Variants in GAREM1 observed in about 807,000 individuals in gnomAD.
GAREM1 encodes the protein GRB2 associated regulator of MAPK1 subtype 1, also known as GRB2-associated and regulator of MAPK protein 1.
A neutral mutation model predicts 71.3 loss-of-function variants in GAREM1; 26 were observed. That is an observed-to-expected ratio of 0.36 (90% CI 0.27 to 0.51). The LOEUF (loss-of-function observed/expected upper bound fraction) is 0.51. Among genes scored for constraint, GAREM1 ranks in the 20% least tolerant of loss-of-function variants. The pLI is 0.95. For missense variants in GAREM1, 1,026 were observed against 1,103.1 expected, an observed-to-expected ratio of 0.93 and a Z score of 0.99; for synonymous variants, 440 against 433.2, an observed-to-expected ratio of 1.02 and a Z score of -0.20.
At chr18:32,426,339 C>T (rs2144249208) in intron 1 of GAREM1, among the ~76,000 whole-genome samples, 1 of 152,232 alleles carries the variant, frequency 6.6e-6, no homozygotes, top group Non-Finnish European at 1.5e-5. Flanking sequence ...ATTCTAGAGT[C>T]TGAAAGAGAA....
intron 1 of GAREM1, among the ~76,000 whole-genome samples, chr18:32,426,750 G>A (rs1425463543): frequency 2.6e-5 from 4 of 152,072 alleles, no homozygotes; most frequent in African/African-American, 9.7e-5. Flanking sequence ...TATCAAACTT[G>A]CAAATATAAG....
At position 32,270,317 on chromosome 18, in the gene GAREM1, T is replaced by C. The variant is rs917350682; in HGVS notation, c.1633A>G (p.Thr545Ala). 1 of 1,613,946 alleles carries C rather than the reference T, an allele frequency of 6.2e-7. No homozygotes were observed. Among genetic ancestry groups the C allele is most frequent in the African/African-American group, 1.3e-5 (1 of 74,998 alleles). The change falls in exon 5 of 6, where the codon ACC (threonine) becomes GCC (alanine). Residue 545 changes from threonine to alanine, a missense_variant. Thr to Ala is a moderately conservative substitution (Grantham distance 58). Around this residue, in one of 3 missense-constraint regions of GAREM1, gnomAD observed 636 missense variants for 631.2 expected, o/e 1.01. Coordinates refer to ENST00000269209, the MANE Select transcript of GAREM1 (RefSeq NM_001242409.2). ...GTGCGAGGAGGGATGGAGGGACTGG[T>C]GGACAAAGGCTTTGCGCTTCGGGGT... ...VPPRSAKPLSTSPSIPPRTVK... is the reference protein window; with the variant it reads ...VPPRSAKPLSASPSIPPRTVK...
intron 1 of GAREM1, among the ~76,000 whole-genome samples, chr18:32,453,421 A>T (rs1386825097): frequency 1.3e-5 from 2 of 152,170 alleles, no homozygotes; most frequent in Non-Finnish European, 2.9e-5. Flanking sequence ...ACAGCTCTAG[A>T]GGCTGAAAGT....
At chr18:32,312,767 G>C (rs143497469) in intron 2 of GAREM1, among the ~76,000 whole-genome samples, 13 of 152,288 alleles carry the variant, frequency 8.5e-5, no homozygotes, top group Non-Finnish European at 1.6e-4. Context: ...GAAATGATTG[G>C]AACCCAATTG....
At chr18:32,389,613 A>G (rs1165836304) in intron 2 of GAREM1, among the ~76,000 whole-genome samples, 2 of 152,204 alleles carry the variant, frequency 1.3e-5, no homozygotes, top group Non-Finnish European at 2.9e-5. Context: ...CCCTAAAAAA[A>G]AGTAAGATTC....
At chr18:32,311,050 A>T (rs2047316318) in intron 2 of GAREM1, among the ~76,000 whole-genome samples, 1 of 152,182 alleles carries the variant, frequency 6.6e-6, no homozygotes, top group Admixed American at 6.5e-5. Context: ...AGGCCATATC[A>T]TGGTCTCCAC....
chr18:32,305,590 G>T (rs2047245920), intron 3 of GAREM1, among the ~76,000 whole-genome samples: 1 of 152,178 alleles, frequency 6.6e-6, no homozygotes, highest in Non-Finnish European at 1.5e-5. Flanking sequence ...CGCGATCTTG[G>T]CTCACTGGAA....
chr18:32,378,527 T>C (rs1282624579), intron 2 of GAREM1, among the ~76,000 whole-genome samples: 4 of 148,528 alleles, frequency 2.7e-5, no homozygotes, highest in African/African-American at 9.9e-5. Context: ...AAAAAGCAAC[T>C]GCTCTTTCCC....
intron 2 of GAREM1, among the ~76,000 whole-genome samples, chr18:32,387,587 T>C (rs2048160789): frequency 6.6e-6 from 1 of 152,204 alleles, no homozygotes; most frequent in Admixed American, 6.5e-5. Context: ...ATTAGCAAAA[T>C]ACGTGATGTT....
At chr18:32,278,760 C>T (rs2041575579) in intron 4 of GAREM1, among the ~76,000 whole-genome samples, 3 of 151,572 alleles carry the variant, frequency 2.0e-5, no homozygotes, top group African/African-American at 4.9e-5. Context: ...TTCAGTCAAA[C>T]AGAAATTAAA....
In GAREM1 at chr18:32,470,241, A is replaced by G. The variant is rs910526430; in HGVS notation, c.121+67T>C. On this transcript the variant is annotated intron_variant, in intron 1 of 5. Coordinates refer to ENST00000269209, the MANE Select transcript of GAREM1 (RefSeq NM_001242409.2). The surrounding 1 kb of genome is among the most constrained non-coding windows in gnomAD (Gnocchi z 4.4). ...CCGCGGGTCCCACCCTCTCCAGCAC[A>G]CGCGCGCACACCCGCGTGGAGACGG... The G allele has an allele frequency of 2.9e-6, 4 of 1,369,514 alleles. No homozygotes were observed. The highest frequency in any genetic ancestry group is 2.9e-6 in the Non-Finnish European group (3 of 1,050,516). 84.8% of individuals were successfully genotyped at this position (1,369,514 alleles called of 1,614,324 possible).
At chr18:32,282,803 A>G (rs1263059976) in intron 4 of GAREM1, among the ~76,000 whole-genome samples, 1 of 152,220 alleles carries the variant, frequency 6.6e-6, no homozygotes, top group Non-Finnish European at 1.5e-5. Context: ...TGTGCAATAT[A>G]AAGTCTTCCC....
chr18:32,372,109 G>C (rs2047985591), intron 2 of GAREM1, among the ~76,000 whole-genome samples: 1 of 152,144 alleles, frequency 6.6e-6, no homozygotes, highest in African/African-American at 2.4e-5. Flanking sequence ...TAAATTAATT[G>C]AAATTTCACT....
At chr18:32,364,028 G>GTTTTTTTTTTTTTTTTTTTTTTTT in intron 2 of GAREM1, among the ~76,000 whole-genome samples, 1 of 21,668 alleles carries the variant, frequency 4.6e-5, no homozygotes, top group African/African-American at 1.8e-4. Flanking sequence ...ATATATATAT[G>GTTTTTTTTTTTTTTTTTTTTTTTT]TTTTTTTTTT....
intron 2 of GAREM1, among the ~76,000 whole-genome samples, chr18:32,342,578 C>T (rs1279947902): frequency 6.6e-6 from 1 of 152,214 alleles, no homozygotes; most frequent in Admixed American, 6.5e-5. Flanking sequence ...TTCCTACACA[C>T]CTCAGCTCAC....
intron 2 of GAREM1, among the ~76,000 whole-genome samples, chr18:32,326,200 C>T (rs188203030): frequency 2.7e-4 from 41 of 152,284 alleles, no homozygotes; most frequent in African/African-American, 9.1e-4. Flanking sequence ...GGCTCACTGC[C>T]ACCGGGTTGG....
intron 1 of GAREM1, among the ~76,000 whole-genome samples, chr18:32,415,865 C>T (rs1341291814): frequency 6.6e-6 from 1 of 151,978 alleles, no homozygotes; most frequent in Non-Finnish European, 1.5e-5. Flanking sequence ...ACTGGAAGTC[C>T]TAACTAGAAC....
chr18:32,271,163 T>C (rs2041456994), intron 4 of GAREM1, among the ~76,000 whole-genome samples: 2 of 152,154 alleles, frequency 1.3e-5, no homozygotes, highest in African/African-American at 2.4e-5. Flanking sequence ...CCACCGTTCC[T>C]GGCCAGGGCT....
intron 1 of GAREM1, among the ~76,000 whole-genome samples, chr18:32,451,626 G>A (rs1469500286): frequency 6.6e-6 from 1 of 152,032 alleles, no homozygotes; most frequent in Non-Finnish European, 1.5e-5. Context: ...GTTTTGCCTA[G>A]AGGCCCTCTT....
Sources: gnomAD v4.1 joint callset for allele counts (sites outside exome capture counted in the v4.1 genomes callset) on GRCh38, gnomAD v4.1.1 for gene constraint, gnomAD v4.1.1 regional missense constraint, Gnocchi (gnomAD v3.1) non-coding constraint, MANE v1.5 for transcripts, NCBI Gene and HGNC (gene_info 2026-07-23, HGNC 2026-07-21) for gene names.